The following SRD5A2 variants were observed in gnomAD, a reference collection of about 807,000 sequenced individuals.
SRD5A2 encodes steroid 5 alpha-reductase 2.
Under a neutral mutation model 27.4 loss-of-function variants are expected in SRD5A2, and 30 were observed. The observed-to-expected ratio is 1.10, with a 90% CI of 0.82 to 1.49. The LOEUF (loss-of-function observed/expected upper bound fraction) is 1.49, where lower values mean the gene tolerates loss of function less well. Ranked by LOEUF, SRD5A2 falls within the 40% of genes most tolerant of loss-of-function variation. The pLI is 0.00. For missense variants in SRD5A2, 348 were observed against 323.4 expected (o/e 1.08, Z -0.58); for synonymous variants, 141 against 133.6 (o/e 1.06, Z -0.38).
chr2:31,567,569 C>A (rs1424275982), intron 1 of SRD5A2, among the ~76,000 whole-genome samples: 2 of 151,828 alleles, frequency 1.3e-5, no homozygotes, highest in Non-Finnish European at 2.9e-5. Context: ...GTTCTTCATA[C>A]CCTTTGTAGT....
At chr2:31,567,089 T>C (rs186987977) in intron 1 of SRD5A2, among the ~76,000 whole-genome samples, 1 of 152,320 alleles carries the variant, frequency 6.6e-6, no homozygotes, top group East Asian at 1.9e-4. Flanking sequence ...AATTTAATCA[T>C]ATTGATTACA....
At chr2:31,555,068 G>A (rs1332698495) in intron 1 of SRD5A2, among the ~76,000 whole-genome samples, 1 of 151,432 alleles carries the variant, frequency 6.6e-6, no homozygotes, top group Non-Finnish European at 1.5e-5. Context: ...AGGCAGCAGA[G>A]ATGGAATTTA....
At chr2:31,648,897 G>A in the SRD5A2 span, among the ~76,000 whole-genome samples, 136 of 152,254 alleles carry the variant, frequency 8.9e-4, no homozygotes, top group African/African-American at 3.2e-3. Flanking sequence ...ACGGTTCTAC[G>A]TGCTTCAGTT....
chr2:31,538,033 A>G (rs1021766395), intron 1 of SRD5A2, among the ~76,000 whole-genome samples: 1 of 152,198 alleles, frequency 6.6e-6, no homozygotes, highest in Non-Finnish European at 1.5e-5. Context: ...CAGTTATAGC[A>G]GCGCAAAACA....
intron 1 of SRD5A2, among the ~76,000 whole-genome samples, chr2:31,573,789 G>C (rs1423511254): frequency 6.6e-6 from 1 of 152,168 alleles, no homozygotes; most frequent in Non-Finnish European, 1.5e-5. Flanking sequence ...TGAGAGGCCT[G>C]TGGTTGCCCA....
intron 1 of SRD5A2, among the ~76,000 whole-genome samples, chr2:31,566,474 A>G (rs2148093601): frequency 6.6e-6 from 1 of 152,300 alleles, no homozygotes; most frequent in Non-Finnish European, 1.5e-5. Flanking sequence ...ATCTGGAAAA[A>G]AAGTGGAAAA....
chr2:31,558,568 T>G (rs1363595254), intron 1 of SRD5A2, among the ~76,000 whole-genome samples: 2 of 152,210 alleles, frequency 1.3e-5, no homozygotes, highest in Non-Finnish European at 2.9e-5. Context: ...GGTGTTTCCC[T>G]GTGTTTGTGT....
At chr2:31,616,641 T>TA in the SRD5A2 span, among the ~76,000 whole-genome samples, 3 of 152,244 alleles carry the variant, frequency 2.0e-5, no homozygotes, top group Admixed American at 6.5e-5. Context: ...CCAATGCCTG[T>TA]ACCCCCACTG....
intron 1 of SRD5A2, among the ~76,000 whole-genome samples, chr2:31,541,343 CA>C (rs34819358): frequency 3.5e-5 from 5 of 144,492 alleles, no homozygotes; most frequent in Admixed American, 2.1e-4. Context: ...CAACTTTCAA[CA>C]AAAAAAAACA....
upstream of SRD5A2, chr2:31,581,012 C>A: frequency 8.3e-7 from 1 of 1,208,832 alleles, no homozygotes; most frequent in South Asian, 1.6e-5. Context: ...GGCCTTGGCT[C>A]CCGCCCCTCC....
the SRD5A2 span, among the ~76,000 whole-genome samples, chr2:31,610,817 G>C: frequency 6.6e-6 from 1 of 152,030 alleles, no homozygotes; most frequent in African/African-American, 2.4e-5. Context: ...ACATACAAAA[G>C]TCAGTAGTTG....
chr2:31,600,132 C>A, the SRD5A2 span, among the ~76,000 whole-genome samples: 1 of 152,020 alleles, frequency 6.6e-6, no homozygotes, highest in African/African-American at 2.4e-5. Flanking sequence ...TGGCCTCCAG[C>A]TCCACCCATG....
At chr2:31,573,063 CT>C (rs1220264682) in intron 1 of SRD5A2, among the ~76,000 whole-genome samples, 13 of 152,104 alleles carry the variant, frequency 8.5e-5, no homozygotes, top group Non-Finnish European at 1.5e-4. Context: ...AAATGGGCCC[CT>C]TTTCCCAACA....
chr2:31,566,470 A>G (rs1279779879), intron 1 of SRD5A2, among the ~76,000 whole-genome samples: 1 of 152,164 alleles, frequency 6.6e-6, no homozygotes, highest in Non-Finnish European at 1.5e-5. Flanking sequence ...AAAGATCTGG[A>G]AAAAAAGTGG....
chr2:31,628,453 G>C, the SRD5A2 span, among the ~76,000 whole-genome samples: 1 of 152,082 alleles, frequency 6.6e-6, no homozygotes, highest in African/African-American at 2.4e-5. Context: ...ATTAATTGGG[G>C]CATTTGGCCT....
Position 31,526,010 on chromosome 2 carries a change from T to A in SRD5A2, c.*186A>T. The A allele has an allele frequency of 2.0e-6, 1 of 498,458 alleles. No homozygotes were observed. The highest frequency in any genetic ancestry group is 3.6e-6 in the Non-Finnish European group (1 of 280,614). 30.9% of individuals were successfully genotyped at this position (498,458 alleles called of 1,614,324 possible). On this transcript the variant is annotated 3_prime_UTR_variant, in exon 5 of 5. Transcript: ENST00000622030. ...CTTCAGTTGGGGATCAGGATAGGGG[T>A]CCCTGGAAGGGTAGGAGTAAACTCT...
At chr2:31,629,422 G>A in the SRD5A2 span, among the ~76,000 whole-genome samples, 4 of 152,248 alleles carry the variant, frequency 2.6e-5, no homozygotes, top group African/African-American at 9.6e-5. Flanking sequence ...GAGTAATATT[G>A]GACCACTTTT....
chr2:31,645,999 T>C, the SRD5A2 span, among the ~76,000 whole-genome samples: 2 of 152,296 alleles, frequency 1.3e-5, no homozygotes, highest in Middle Eastern at 6.8e-3. Context: ...TTCCTTCCAC[T>C]ACACTGAAAT....
chr2:31,641,361 T>C, the SRD5A2 span, among the ~76,000 whole-genome samples: 1 of 152,200 alleles, frequency 6.6e-6, no homozygotes, highest in African/African-American at 2.4e-5. Context: ...AAGGAAAATA[T>C]TGTTAGCCAT....
Sources: allele counts gnomAD v4.1 joint callset (sites outside exome capture counted in the v4.1 genomes callset), GRCh38; gene constraint gnomAD v4.1.1; transcripts MANE v1.5; gene names NCBI Gene and HGNC (gene_info 2026-07-23, HGNC 2026-07-21).